ITGBL1: variants seen among roughly 807,000 people sequenced by gnomAD.
The protein encoded by ITGBL1 is integrin subunit beta like 1.
ITGBL1 carries 51 observed loss-of-function variants against 68.5 expected under a neutral mutation model. That is an observed-to-expected ratio of 0.74 (90% CI 0.59 to 0.94). The LOEUF (loss-of-function observed/expected upper bound fraction) is 0.94. ITGBL1 is among the 40% of genes least tolerant of loss of function. The pLI, the probability that ITGBL1 is intolerant of heterozygous loss-of-function variation, is 0.00. For missense variants in ITGBL1, 649 were observed against 647.4 expected, an observed-to-expected ratio of 1.00 and a Z score of -0.03; for synonymous variants, 209 against 227.3, an observed-to-expected ratio of 0.92 and a Z score of 0.72.
chr13:101,461,837 T>C (rs2048322340), intron 2 of ITGBL1, among the ~76,000 whole-genome samples: 1 of 152,198 alleles, frequency 6.6e-6, no homozygotes. Context: ...TTTCTATTGC[T>C]GCTACAACAA....
At chr13:101,459,109 G>T (rs2048284208) in intron 2 of ITGBL1, among the ~76,000 whole-genome samples, 1 of 152,114 alleles carries the variant, frequency 6.6e-6, no homozygotes, top group Non-Finnish European at 1.5e-5. Context: ...CCAAATCCAT[G>T]ACTTAAAGTT....
intron 2 of ITGBL1, among the ~76,000 whole-genome samples, chr13:101,519,644 T>G (rs549024002): frequency 1.3e-5 from 2 of 152,166 alleles, no homozygotes; most frequent in Non-Finnish European, 2.9e-5. Flanking sequence ...TTTTCCTTCT[T>G]AAATGCAAAC....
intron 3 of ITGBL1, among the ~76,000 whole-genome samples, chr13:101,571,023 A>G (rs770618288): frequency 2.3e-4 from 35 of 152,258 alleles, no homozygotes; most frequent in African/African-American, 5.8e-4. Context: ...TTGCACACAG[A>G]TATGCATGTA....
At chr13:101,485,082 A>G (rs1328437931) in intron 2 of ITGBL1, among the ~76,000 whole-genome samples, 1 of 152,220 alleles carries the variant, frequency 6.6e-6, no homozygotes, top group Non-Finnish European at 1.5e-5. Context: ...AAAGGATTGA[A>G]GAAAAAATGT....
chr13:101,481,954 A>G (rs1468511273), intron 2 of ITGBL1, among the ~76,000 whole-genome samples: 1 of 152,088 alleles, frequency 6.6e-6, no homozygotes, highest in East Asian at 1.9e-4. Flanking sequence ...TGGTGGGGCC[A>G]GAAAGGGGAA....
chr13:101,510,380 T>G, intron 2 of ITGBL1, among the ~76,000 whole-genome samples: 1 of 152,198 alleles, frequency 6.6e-6, no homozygotes. Flanking sequence ...ATGCTATATA[T>G]GTACCATATT....
intron 8 of ITGBL1, among the ~76,000 whole-genome samples, chr13:101,693,119 T>A (rs962437024): frequency 6.6e-6 from 1 of 152,156 alleles, no homozygotes; most frequent in Non-Finnish European, 1.5e-5. Context: ...TCAGATTCTA[T>A]GATGCCTCTC....
Position 101,602,059 on chromosome 13 carries a change from T to C in ITGBL1, c.1015+3760T>C, listed in dbSNP as rs567829609. On this transcript the variant is annotated intron_variant, in intron 7 of 10. Transcript: ENST00000376180. ...TTTGCACACAGACACTCTCACTCAC[T>C]GTCAGCCTACTTTAGCCTTAAGGTA... 3.3e-5 allele frequency among the ~76,000 whole-genome samples: 5 copies of C among 152,200 alleles called. 1 individual carries two copies. In the South Asian group the frequency reaches 1.0e-3, roughly 32 times the overall value.
chr13:101,602,623 G>T lies in ITGBL1; in HGVS notation c.1015+4324G>T, dbSNP rs114068400. 9.2e-4 allele frequency among the ~76,000 whole-genome samples: 140 copies of T among 151,822 alleles called. 1 individual carries two copies. Among genetic ancestry groups the T allele is most frequent in the African/African-American group, 3.2e-3 (132 of 41,444 alleles). ...TACCACAAAATTCACATACCACTCA[G>T]TATTTTGATATATTAACATAATTAT... On this transcript the variant is annotated intron_variant, in intron 7 of 10. Transcript: ENST00000376180.
At chr13:101,482,725 C>T (rs1002135351) in intron 2 of ITGBL1, among the ~76,000 whole-genome samples, 4 of 151,980 alleles carry the variant, frequency 2.6e-5, no homozygotes, top group Admixed American at 1.3e-4. Context: ...AGGTAGGATA[C>T]ACCTGATTGT....
intron 8 of ITGBL1, among the ~76,000 whole-genome samples, chr13:101,697,300 A>G (rs2034024774): frequency 6.6e-6 from 1 of 152,164 alleles, no homozygotes; most frequent in African/African-American, 2.4e-5. Flanking sequence ...ATCATCCTAG[A>G]ATAATATCTG....
intron 2 of ITGBL1, among the ~76,000 whole-genome samples, chr13:101,564,104 A>G (rs1166072892): frequency 6.6e-6 from 1 of 151,924 alleles, no homozygotes; most frequent in African/African-American, 2.4e-5. Flanking sequence ...ATCCCTATCA[A>G]AATCTGTGCA....
At chr13:101,625,195 G>C (rs1249539005) in intron 7 of ITGBL1, among the ~76,000 whole-genome samples, 1 of 152,214 alleles carries the variant, frequency 6.6e-6, no homozygotes, top group Non-Finnish European at 1.5e-5. Flanking sequence ...CAAAGTGACA[G>C]AAATAAGCCC....
At chr13:101,473,356 G>C (rs2048489584) in intron 2 of ITGBL1, among the ~76,000 whole-genome samples, 2 of 152,160 alleles carry the variant, frequency 1.3e-5, no homozygotes, top group South Asian at 4.2e-4. Flanking sequence ...GAGGGAGAGG[G>C]AACAGTGATT....
chr13:101,458,605 C>T (rs1018965864), intron 2 of ITGBL1, among the ~76,000 whole-genome samples: 1 of 151,956 alleles, frequency 6.6e-6, no homozygotes, highest in Non-Finnish European at 1.5e-5. Context: ...TTCTAGGGAG[C>T]CTCCCCCACC....
At chr13:101,699,375 T>C (rs189814891) in intron 8 of ITGBL1, among the ~76,000 whole-genome samples, 4 of 152,304 alleles carry the variant, frequency 2.6e-5, no homozygotes, top group Admixed American at 2.6e-4. Flanking sequence ...TTGTTATGGT[T>C]TGGCTGTGTC....
intron 7 of ITGBL1, among the ~76,000 whole-genome samples, chr13:101,624,529 C>G (rs1023907481): frequency 1.3e-5 from 2 of 152,092 alleles, no homozygotes; most frequent in African/African-American, 4.8e-5. Context: ...TGAATTGAGA[C>G]CAAAAGAAAA....
intron 7 of ITGBL1, among the ~76,000 whole-genome samples, chr13:101,658,714 C>T (rs890570455): frequency 3.8e-4 from 58 of 152,022 alleles, no homozygotes; most frequent in African/African-American, 1.3e-3. Context: ...ATGACCTGCA[C>T]AAGCATTGAA....
intron 7 of ITGBL1, among the ~76,000 whole-genome samples, chr13:101,621,249 C>G (rs1232363283): frequency 2.0e-5 from 3 of 152,174 alleles, no homozygotes; most frequent in Non-Finnish European, 4.4e-5. Context: ...CTTCCACTCC[C>G]TGGGTGTGTA....
Sources: gnomAD v4.1 joint callset for allele counts (sites outside exome capture counted in the v4.1 genomes callset) on GRCh38, gnomAD v4.1.1 for gene constraint, MANE v1.5 for transcripts, NCBI Gene and HGNC (gene_info 2026-07-23, HGNC 2026-07-21) for gene names.